XXYLT1: variants seen among roughly 807,000 people sequenced by gnomAD.
XXYLT1 encodes the protein UDP-xylose:alpha-xyloside alpha-1,3-xylosyltransferase.
Under a neutral mutation model 28.9 loss-of-function variants are expected in XXYLT1, and 20 were observed. That is an observed-to-expected ratio of 0.69 (90% CI 0.49 to 1.00). The LOEUF (loss-of-function observed/expected upper bound fraction) is 1.00, where lower values mean the gene tolerates loss of function less well. Ranked by LOEUF, XXYLT1 falls within the 50% of genes least tolerant of loss-of-function variation. The pLI is 0.00. For missense variants in XXYLT1, 542 were observed against 560.1 expected, an observed-to-expected ratio of 0.97 and a Z score of 0.33; for synonymous variants, 257 against 253.8, an observed-to-expected ratio of 1.01 and a Z score of -0.12.
intron 3 of XXYLT1, among the ~76,000 whole-genome samples, chr3:195,086,370 C>A (rs1373145111): frequency 6.6e-6 from 1 of 152,224 alleles, no homozygotes; most frequent in African/African-American, 2.4e-5. Flanking sequence ...GTAGCCAGGT[C>A]TGGCGTCTCG....
At position 195,168,601 on chromosome 3, in the gene XXYLT1, T is replaced by C. The variant is rs1456478792; in HGVS notation, c.653-12020A>G. On this transcript the variant is annotated intron_variant, in intron 2 of 3. Transcript: ENST00000310380. This position sits in a 1 kb window ranked among gnomAD's most constrained non-coding sequence, Gnocchi z 4.3. ...CCCTGCTGAGAGAGGGCCCTGCCTATGAAGGAGAACCAGAGACTGGGAGGT... is the reference window on the plus strand; with the variant it reads ...CCCTGCTGAGAGAGGGCCCTGCCTACGAAGGAGAACCAGAGACTGGGAGGT... Among the ~76,000 whole-genome samples, 1 of 152,190 alleles carries C rather than the reference T, an allele frequency of 6.6e-6. No individual in the cohort carries two copies. The highest frequency in any genetic ancestry group is 1.5e-5 in the Non-Finnish European group (1 of 68,018).
chr3:195,073,744 C>A (rs1487722201), intron 3 of XXYLT1, among the ~76,000 whole-genome samples: 1 of 152,194 alleles, frequency 6.6e-6, no homozygotes, highest in Non-Finnish European at 1.5e-5. Context: ...TAAGAACATT[C>A]TTCCAGTCAT....
chr3:195,143,793 T>A (rs988881206), intron 3 of XXYLT1, among the ~76,000 whole-genome samples: 1 of 115,438 alleles, frequency 8.7e-6, no homozygotes, highest in African/African-American at 3.5e-5. Flanking sequence ...ATTATATATA[T>A]ATATATAGAT....
chr3:195,225,529 T>C (rs1724011642), intron 2 of XXYLT1, among the ~76,000 whole-genome samples: 1 of 152,190 alleles, frequency 6.6e-6, no homozygotes, highest in Non-Finnish European at 1.5e-5. Flanking sequence ...TACCAGGACC[T>C]GCCTGGTCTG....
At chr3:195,234,994 A>G (rs1250858070) in intron 1 of XXYLT1, among the ~76,000 whole-genome samples, 1 of 150,830 alleles carries the variant, frequency 6.6e-6, no homozygotes, top group Admixed American at 6.7e-5. Context: ...AGTAACTCTT[A>G]GATTTGCCCC....
chr3:195,115,490 C>T lies in XXYLT1; in HGVS notation c.785+40959G>A, dbSNP rs920430220. Among the ~76,000 whole-genome samples the T allele has an allele frequency of 6.6e-6, 1 of 152,188 alleles. No homozygotes were observed. The highest frequency in any genetic ancestry group is 1.5e-5 in the Non-Finnish European group (1 of 68,030). The stretch of plus-strand genomic sequence containing the variant: ...CAATGTTGTAAGCACCTAATTCCAA[C>T]AAGAAACTCCTTCTGCTTACACCAC... On this transcript the variant is annotated intron_variant, in intron 3 of 3. Coordinates refer to ENST00000310380, the MANE Select transcript of XXYLT1 (RefSeq NM_152531.5). The surrounding 1 kb of genome is among the most constrained non-coding windows in gnomAD (Gnocchi z 4.2).
At chr3:195,108,864 A>G (rs1304602032) in intron 3 of XXYLT1, among the ~76,000 whole-genome samples, 1 of 152,224 alleles carries the variant, frequency 6.6e-6, no homozygotes, top group African/African-American at 2.4e-5. Context: ...TGAAGCTAGA[A>G]AGTAAATCCA....
intron 2 of XXYLT1, among the ~76,000 whole-genome samples, chr3:195,217,852 C>G (rs1302458328): frequency 6.9e-6 from 1 of 144,068 alleles, no homozygotes; most frequent in African/African-American, 2.7e-5. Flanking sequence ...GCCCGCATCG[C>G]CAAGTCAATC....
At chr3:195,225,742 G>C (rs1184102742) in intron 2 of XXYLT1, among the ~76,000 whole-genome samples, 1 of 151,864 alleles carries the variant, frequency 6.6e-6, no homozygotes, top group African/African-American at 2.4e-5. Context: ...GGGACCTGGT[G>C]GGGGGTAATT....
intron 3 of XXYLT1, among the ~76,000 whole-genome samples, chr3:195,107,511 A>AGGAGGAGGAG (rs1717171745): frequency 2.4e-5 from 1 of 42,476 alleles, no homozygotes; most frequent in African/African-American, 7.6e-5. Flanking sequence ...AGGAGGAAGA[A>AGGAGGAGGAG]GAAGAAGGAG....
intron 2 of XXYLT1, among the ~76,000 whole-genome samples, chr3:195,191,866 C>A (rs1722435451): frequency 6.6e-6 from 1 of 152,124 alleles, no homozygotes; most frequent in Non-Finnish European, 1.5e-5. Context: ...ATCCATAAAG[C>A]AACAACAGAA....
rs569345844 is a variant in XXYLT1 at position 195,181,599 on chromosome 3, C to T, written c.653-25018G>A. Among the ~76,000 whole-genome samples the T allele has an allele frequency of 2.6e-5, 4 of 152,276 alleles. No individual in the cohort carries two copies. In the South Asian group the frequency reaches 8.3e-4, roughly 32 times the overall value. On this transcript the variant is annotated intron_variant, in intron 2 of 3. Coordinates refer to ENST00000310380, the MANE Select transcript of XXYLT1 (RefSeq NM_152531.5). ...TGTATATAAGCTCACTTGGTGCTCA[C>T]AACAACCCTCGAGATAGGTGTATTT...
chr3:195,223,633 C>G (rs978836583), intron 2 of XXYLT1, among the ~76,000 whole-genome samples: 1 of 152,174 alleles, frequency 6.6e-6, no homozygotes, highest in Non-Finnish European at 1.5e-5. Flanking sequence ...AAACTCAAGA[C>G]AGCACGAATG....
At chr3:195,205,486 G>C (rs752885912) in intron 2 of XXYLT1, among the ~76,000 whole-genome samples, 1 of 152,166 alleles carries the variant, frequency 6.6e-6, no homozygotes, top group Non-Finnish European at 1.5e-5. Context: ...TGGTTGCTAC[G>C]GGTCAGAGGA....
At chr3:195,148,308 CG>C (rs1292256984) in intron 3 of XXYLT1, among the ~76,000 whole-genome samples, 1 of 152,166 alleles carries the variant, frequency 6.6e-6, no homozygotes, top group Non-Finnish European at 1.5e-5. Flanking sequence ...CCAGGTCACA[CG>C]GGCTACACAA....
At chr3:195,189,654 C>T (rs888301133) in intron 2 of XXYLT1, among the ~76,000 whole-genome samples, 2 of 152,014 alleles carry the variant, frequency 1.3e-5, no homozygotes, top group Non-Finnish European at 2.9e-5. Context: ...AGAAATTATC[C>T]AGTCTGAAGA....
intron 3 of XXYLT1, among the ~76,000 whole-genome samples, chr3:195,107,469 C>T (rs1156727502): frequency 1.0e-4 from 4 of 38,124 alleles, no homozygotes; most frequent in African/African-American, 3.8e-4. Flanking sequence ...AGCAAAACTC[C>T]GTCTCAAAAA....
intron 2 of XXYLT1, chr3:195,175,726 A>C (rs1355741912): frequency 6.5e-7 from 1 of 1,535,704 alleles, no homozygotes. Flanking sequence ...GCAACTCTGG[A>C]CTGTAGCAGT....
At chr3:195,212,360 G>T (rs533062526) in intron 2 of XXYLT1, among the ~76,000 whole-genome samples, 1 of 152,226 alleles carries the variant, frequency 6.6e-6, no homozygotes, top group Non-Finnish European at 1.5e-5. Flanking sequence ...TCACAGAAAC[G>T]TGGTAACGGA....
Sources: gnomAD v4.1 joint callset for allele counts (sites outside exome capture counted in the v4.1 genomes callset) on GRCh38, gnomAD v4.1.1 for gene constraint, Gnocchi (gnomAD v3.1) non-coding constraint, MANE v1.5 for transcripts, NCBI Gene and HGNC (gene_info 2026-07-23, HGNC 2026-07-21) for gene names.